The following CSDE1 variants were observed in gnomAD, a reference collection of about 807,000 sequenced individuals.
CSDE1 encodes the protein cold shock domain containing E1.
Under a neutral mutation model 89.3 loss-of-function variants are expected in CSDE1, and 17 were observed. That is an observed-to-expected ratio of 0.19 (90% CI 0.13 to 0.29). CSDE1 has a LOEUF of 0.29. CSDE1 is among the 10% of genes least tolerant of loss of function. CSDE1 has a pLI of 1.00. For synonymous variants in CSDE1, 322 were observed against 332.8 expected (o/e 0.97, Z 0.35); for missense variants, 672 against 984.2 (o/e 0.68, Z 4.24).
chr1:114,720,888 A>G (rs1659481501), intron 16 of CSDE1, among the ~76,000 whole-genome samples, 171 bp from the exon 17 acceptor site: 1 of 152,222 alleles, frequency 6.6e-6, no homozygotes, highest in Non-Finnish European at 1.5e-5. Context: ...TAAATGTTAA[A>G]TACTACCATG....
At chr1:114,731,101 C>A (rs1039113270) in intron 10 of CSDE1, among the ~76,000 whole-genome samples, 3 of 151,296 alleles carry the variant, frequency 2.0e-5, no homozygotes, top group Admixed American at 6.6e-5. Flanking sequence ...TATATGCAAT[C>A]TTTTCTCTTT....
At chr1:114,751,042 G>T (rs1661279387) in intron 1 of CSDE1, among the ~76,000 whole-genome samples, 1 of 152,256 alleles carries the variant, frequency 6.6e-6, no homozygotes, top group South Asian at 2.1e-4. Flanking sequence ...CAGGTGTAGC[G>T]GAGCCCGATT....
chr1:114,739,365 AG>A (rs1251756107), intron 3 of CSDE1, among the ~76,000 whole-genome samples: 1 of 152,204 alleles, frequency 6.6e-6, no homozygotes, highest in African/African-American at 2.4e-5. Context: ...TACTTTTTTC[AG>A]GTACTACCCA....
At chr1:114,723,056 A>G (rs1659613271) in intron 16 of CSDE1, among the ~76,000 whole-genome samples, 2 of 152,014 alleles carry the variant, frequency 1.3e-5, no homozygotes, top group African/African-American at 4.8e-5. Context: ...ACGGGGTTTC[A>G]CCATGCTGGC....
intron 2 of CSDE1, among the ~76,000 whole-genome samples, chr1:114,746,225 A>G (rs1330129335): frequency 6.6e-6 from 1 of 152,238 alleles, no homozygotes; most frequent in African/African-American, 2.4e-5. Flanking sequence ...ATTATTCATT[A>G]AAGTGCATTT....
intron 16 of CSDE1, among the ~76,000 whole-genome samples, chr1:114,722,179 G>A (rs746021447): frequency 2.0e-5 from 3 of 152,026 alleles, no homozygotes; most frequent in East Asian, 1.9e-4. Context: ...CCCTACTCTC[G>A]ACCCCAGCTG....
At chr1:114,752,357 C>G (rs1383318449) in intron 1 of CSDE1, among the ~76,000 whole-genome samples, 1 of 152,052 alleles carries the variant, frequency 6.6e-6, no homozygotes, top group Non-Finnish European at 1.5e-5. Flanking sequence ...ATCCACCCAC[C>G]CCCAGCAACC....
chr1:114,746,457 T>C (rs763865223), intron 2 of CSDE1: 20 of 152,162 alleles, frequency 1.3e-4, no homozygotes, highest in Non-Finnish European at 2.4e-4. Context: ...ATGCCTTCTG[T>C]TGGTTAATCT....
At chr1:114,725,648 T>A (rs1659750752) in intron 14 of CSDE1, among the ~76,000 whole-genome samples, 1 of 152,152 alleles carries the variant, frequency 6.6e-6, no homozygotes, top group South Asian at 2.1e-4. Flanking sequence ...TTCTATTTTT[T>A]TTTTTGAGAC....
intron 2 of CSDE1, among the ~76,000 whole-genome samples, chr1:114,748,956 T>C (rs971134050): frequency 3.9e-5 from 6 of 152,326 alleles, no homozygotes; most frequent in Admixed American, 6.5e-5. Context: ...GACAAATGCA[T>C]TGGGCCAAGC....
chr1:114,734,560 C>G, intron 6 of CSDE1, 37 bp from the exon 7 acceptor site: 1 of 1,552,802 alleles, frequency 6.4e-7, no homozygotes, highest in Admixed American at 1.8e-5. Context: ...AGGAATGAAA[C>G]AGGGATTAAA....
chr1:114,745,430 A>G (rs1016751002), intron 2 of CSDE1, among the ~76,000 whole-genome samples: 3 of 152,340 alleles, frequency 2.0e-5, no homozygotes, highest in Non-Finnish European at 4.4e-5. Flanking sequence ...GAAATGAGAC[A>G]TAAGATATTT....
intron 2 of CSDE1, among the ~76,000 whole-genome samples, chr1:114,742,256 A>G (rs1660768998): frequency 2.6e-5 from 4 of 152,178 alleles, no homozygotes; most frequent in Admixed American, 2.0e-4. Flanking sequence ...AAGGAGATAT[A>G]TAAATTTAGT....
intron 1 of CSDE1, among the ~76,000 whole-genome samples, chr1:114,752,051 G>C (rs1317435009): frequency 5.3e-5 from 8 of 152,104 alleles, no homozygotes. Flanking sequence ...GTCTGCTTGA[G>C]CCCAGGAGCT....
chr1:114,730,245 A>G lies in CSDE1; in HGVS notation c.1356+13T>C, dbSNP rs1486423108. ...AACAGCTACAAAAATCATTTGGATTATGCAAAACCTACCTTCTCTTTGCCT... is the reference window on the plus strand; with the variant it reads ...AACAGCTACAAAAATCATTTGGATTGTGCAAAACCTACCTTCTCTTTGCCT... On this transcript the variant is annotated intron_variant, in intron 12 of 19. Coordinates refer to ENST00000358528, the MANE Select transcript of CSDE1 (RefSeq NM_001007553.3). The G allele has an allele frequency of 3.1e-6, 5 of 1,612,296 alleles. No individual in the cohort carries two copies. The highest frequency in any genetic ancestry group is 4.2e-6 in the Non-Finnish European group (5 of 1,179,472).
intron 15 of CSDE1, among the ~76,000 whole-genome samples, chr1:114,724,613 A>AT (rs147023458): frequency 0.048 from 7,333 of 152,272 alleles, 227 homozygotes; most frequent in South Asian, 0.1. Context: ...ATTACAATTA[A>AT]TTTTTTTAAC....
At chr1:114,722,685 G>A (rs1659592569) in intron 16 of CSDE1, among the ~76,000 whole-genome samples, 1 of 152,178 alleles carries the variant, frequency 6.6e-6, no homozygotes, top group Non-Finnish European at 1.5e-5. Flanking sequence ...AGTGGGGATG[G>A]AAAAGGAAGT....
chr1:114,721,724 G>A (rs1457339534), intron 16 of CSDE1, among the ~76,000 whole-genome samples: 1 of 152,032 alleles, frequency 6.6e-6, no homozygotes, highest in Non-Finnish European at 1.5e-5. Context: ...GAGTCGCTGG[G>A]ACTACAGGCA....
rs763087885 is a variant in CSDE1, at chr1:114,719,745, G to GA, written c.2053-4dup. ...ACTTCATAGTTAATGAAGCCAAACTGAAAAAAAAAAGTAGGTAAAAAAGAG... is the reference window on the plus strand; with the variant it reads ...ACTTCATAGTTAATGAAGCCAAACTGAAAAAAAAAAAGTAGGTAAAAAAGAG... On this transcript the variant is annotated splice_region_variant and splice_polypyrimidine_tract_variant and intron_variant, in intron 17 of 19. Coordinates refer to ENST00000358528, the MANE Select transcript of CSDE1 (RefSeq NM_001007553.3). 2.1e-3 allele frequency: 3,017 copies of GA among 1,413,628 alleles called. No homozygotes were observed. Among genetic ancestry groups the GA allele is most frequent in the Admixed American group, 5.0e-3 (236 of 46,946 alleles). 87.6% of individuals were successfully genotyped at this position (1,413,628 alleles called of 1,614,324 possible).
Sources: allele counts gnomAD v4.1 joint callset (sites outside exome capture counted in the v4.1 genomes callset), GRCh38; gene constraint gnomAD v4.1.1; transcripts MANE v1.5; gene names NCBI Gene and HGNC (gene_info 2026-07-23, HGNC 2026-07-21).